Variants in COMMD10 observed in about 807,000 individuals in gnomAD.
COMMD10 encodes the protein COMM domain containing 10.
COMMD10 carries 33 observed loss-of-function variants against 28.9 expected under a neutral mutation model. The observed-to-expected ratio is 1.14, with a 90% confidence interval of 0.87 to 1.53. The LOEUF is 1.53. Among genes scored for constraint, COMMD10 ranks in the 40% most tolerant of loss-of-function variants. COMMD10 has a pLI of 0.00. For missense variants in COMMD10, 310 were observed against 233.4 expected (o/e 1.33, Z -2.14); for synonymous variants, 110 against 81.7 (o/e 1.35, Z -1.87).
At chr5:116,188,204 T>TC (rs1434185865) in intron 5 of COMMD10, among the ~76,000 whole-genome samples, 1 of 152,186 alleles carries the variant, frequency 6.6e-6, no homozygotes, top group East Asian at 1.9e-4. Flanking sequence ...CCTGTCATGA[T>TC]CAACTCCTAA....
intron 5 of COMMD10, among the ~76,000 whole-genome samples, chr5:116,247,317 A>G (rs1199769181): frequency 1.3e-5 from 2 of 152,062 alleles, no homozygotes; most frequent in Admixed American, 6.6e-5. Flanking sequence ...TCAAAAAATA[A>G]CAGATGTTGG....
At chr5:116,257,423 A>C (rs1284208221) in intron 5 of COMMD10, among the ~76,000 whole-genome samples, 1 of 151,772 alleles carries the variant, frequency 6.6e-6, no homozygotes, top group African/African-American at 2.4e-5. Context: ...AACCAGTTCC[A>C]GATGTTCCAC....
chr5:116,186,348 T>C (rs1748138610), intron 5 of COMMD10, among the ~76,000 whole-genome samples: 1 of 152,176 alleles, frequency 6.6e-6, no homozygotes, highest in Non-Finnish European at 1.5e-5. Context: ...TCTGATAGTC[T>C]CATATCCCTA....
intron 5 of COMMD10, among the ~76,000 whole-genome samples, chr5:116,198,719 GTCT>G (rs1404503956): frequency 2.6e-5 from 4 of 152,100 alleles, no homozygotes; most frequent in Non-Finnish European, 5.9e-5. Context: ...ACAGTATGAA[GTCT>G]TCTCAGGTTT....
rs11297634 is a variant in COMMD10 at position 116,129,477 on chromosome 5, TA to T, written c.400-4589del. On this transcript the variant is annotated intron_variant, in intron 4 of 6. Coordinates refer to ENST00000274458, the MANE Select transcript of COMMD10 (RefSeq NM_016144.4). Reference sequence around the variant, plus strand: ...ACATTAGTATATATATACTATATACTAATGTAATATACATTAGTATATATAT... The same window carrying T: ...ACATTAGTATATATATACTATATACTATGTAATATACATTAGTATATATAT... Among the ~76,000 whole-genome samples, 5 of 2,440 alleles carry T rather than the reference TA, an allele frequency of 2.0e-3. 1 individual carries two copies. The highest frequency in any genetic ancestry group is 4.1e-3 in the African/African-American group (2 of 486). 1.6% of individuals were successfully genotyped at this position (2,440 alleles called of 152,430 possible). A position where few individuals can be genotyped will look rare whatever the true frequency, so the allele number is the denominator to read the frequency against.
intron 5 of COMMD10, among the ~76,000 whole-genome samples, chr5:116,239,070 G>A (rs905907666): frequency 6.6e-6 from 1 of 152,064 alleles, no homozygotes; most frequent in Non-Finnish European, 1.5e-5. Context: ...GTTCTTAACT[G>A]TTGTCTCTTT....
At chr5:116,231,083 C>G (rs1467532264) in intron 5 of COMMD10, among the ~76,000 whole-genome samples, 1 of 152,176 alleles carries the variant, frequency 6.6e-6, no homozygotes, top group East Asian at 1.9e-4. Context: ...CTGCCTATCA[C>G]TCCATACTCT....
chr5:116,132,879 C>T (rs550376085), intron 4 of COMMD10, among the ~76,000 whole-genome samples: 19 of 152,094 alleles, frequency 1.2e-4, no homozygotes, highest in Non-Finnish European at 2.6e-4. Context: ...TAGATTATAT[C>T]TCTACAACAT....
intron 5 of COMMD10, among the ~76,000 whole-genome samples, chr5:116,288,872 CTTTTTTTT>C (rs1157658912): frequency 9.6e-6 from 1 of 104,358 alleles, no homozygotes; most frequent in Non-Finnish European, 1.9e-5. Context: ...TGTTCTCTCT[CTTTTTTTT>C]TTTTTTTTTT....
At chr5:116,191,318 A>C (rs1005837549) in intron 5 of COMMD10, among the ~76,000 whole-genome samples, 2 of 152,034 alleles carry the variant, frequency 1.3e-5, no homozygotes, top group African/African-American at 4.8e-5. Flanking sequence ...TGAGGACACA[A>C]ATCTGGAGGG....
At position 116,191,904 on chromosome 5, in the gene COMMD10, C is replaced by T. The variant is rs1393592743; in HGVS notation, c.510+57726C>T. On this transcript the variant is annotated intron_variant, in intron 5 of 6. Transcript: ENST00000274458. ...TGGAGTCCGTTGCACAACCCCCCATCCTCCCACCCCCCACTAACTCCACTG... is the reference window on the plus strand; with the variant it reads ...TGGAGTCCGTTGCACAACCCCCCATTCTCCCACCCCCCACTAACTCCACTG... Among the ~76,000 whole-genome samples, 3 of 149,526 alleles carry T rather than the reference C, an allele frequency of 2.0e-5. No individual in the cohort carries two copies. In the East Asian group the frequency reaches 6.2e-4, roughly 31 times the overall value.
chr5:116,193,251 C>T (rs1353169750), intron 5 of COMMD10, among the ~76,000 whole-genome samples: 1 of 151,994 alleles, frequency 6.6e-6, no homozygotes, highest in Non-Finnish European at 1.5e-5. Context: ...AAAAATACAC[C>T]TTAAAAAGCA....
At chr5:116,223,998 G>A (rs1749328929) in intron 5 of COMMD10, among the ~76,000 whole-genome samples, 1 of 152,098 alleles carries the variant, frequency 6.6e-6, no homozygotes, top group Non-Finnish European at 1.5e-5. Flanking sequence ...ATAAGACCAT[G>A]GAAATGGTTT....
At chr5:116,173,328 C>T (rs1018638901) in intron 5 of COMMD10, among the ~76,000 whole-genome samples, 2 of 152,122 alleles carry the variant, frequency 1.3e-5, no homozygotes, top group East Asian at 3.9e-4. Context: ...TTCAATTTTC[C>T]AGTTATATAT....
At chr5:116,292,317 C>T in intron 6 of COMMD10, 134 bp from the exon 7 acceptor site, 1 of 457,220 alleles carries the variant, frequency 2.2e-6, no homozygotes, top group Admixed American at 3.7e-5. Context: ...AATTTTATTG[C>T]TATGTGAATG....
intron 5 of COMMD10, among the ~76,000 whole-genome samples, chr5:116,263,905 G>T (rs934063763): frequency 4.6e-5 from 7 of 151,760 alleles, no homozygotes; most frequent in East Asian, 1.9e-4. Context: ...CCTCCTGAGG[G>T]CTGTGTCACA....
chr5:116,233,005 T>TA (rs1749567278), intron 5 of COMMD10, among the ~76,000 whole-genome samples: 1 of 152,148 alleles, frequency 6.6e-6, no homozygotes, highest in Non-Finnish European at 1.5e-5. Context: ...TGTGCCTGAA[T>TA]AAAATGTGGA....
intron 5 of COMMD10, among the ~76,000 whole-genome samples, chr5:116,208,711 T>C (rs1399970202): frequency 6.6e-6 from 1 of 152,046 alleles, no homozygotes; most frequent in Non-Finnish European, 1.5e-5. Flanking sequence ...TTTTTTCTTG[T>C]CTTGCTTTTT....
At chr5:116,272,559 G>A (rs1329894739) in intron 5 of COMMD10, among the ~76,000 whole-genome samples, 1 of 151,834 alleles carries the variant, frequency 6.6e-6, no homozygotes, top group Admixed American at 6.6e-5. Context: ...GCCTTTGCTC[G>A]TGACTGGACC....
Sources: gnomAD v4.1 joint callset for allele counts (sites outside exome capture counted in the v4.1 genomes callset) on GRCh38, gnomAD v4.1.1 for gene constraint, MANE v1.5 for transcripts, NCBI Gene and HGNC (gene_info 2026-07-23, HGNC 2026-07-21) for gene names.